The following HEATR1 variants were observed in gnomAD, a reference collection of about 807,000 sequenced individuals.
The protein encoded by HEATR1 is HEAT repeat containing 1, also known as HEAT repeat-containing protein 1.
Under a neutral mutation model 248.2 loss-of-function variants are expected in HEATR1, and 77 were observed. The ratio of observed to expected loss-of-function variants is 0.31; its 90% CI spans 0.26 to 0.37. The LOEUF is 0.37. Among genes scored for constraint, HEATR1 ranks in the 10% least tolerant of loss-of-function variants. The probability of loss-of-function intolerance (pLI) is 1.00; values close to 1 mark genes in which losing one functional copy is unlikely to be tolerated. For missense variants in HEATR1, 2,420 were observed against 2,504.9 expected, an observed-to-expected ratio of 0.97 and a Z score of 0.72; for synonymous variants, 897 against 923.1, an observed-to-expected ratio of 0.97 and a Z score of 0.51.
intron 17 of HEATR1, 83 bp from the exon 18 acceptor site, chr1:236,583,279 A>G (rs1663802308): frequency 1.6e-6 from 2 of 1,247,194 alleles, no homozygotes; most frequent in South Asian, 3.4e-5. Flanking sequence ...ATAATATGCA[A>G]AAGTTTTGTT....
Position 236,559,231 on chromosome 1 carries a change from A to C in HEATR1, c.4771-96T>G, listed in dbSNP as rs1572033460. The stretch of plus-strand genomic sequence containing the variant: ...AGACTGCTGTCCACTGCACACCTCC[A>C]GGCACCAGGCACTTCCACACACATT... On this transcript the variant is annotated intron_variant, in intron 34 of 44. Transcript: ENST00000366582. 1.3e-5 allele frequency: 11 copies of C among 841,710 alleles called. 1 individual carries two copies. In the Middle Eastern group the frequency reaches 1.9e-3, roughly 143 times the overall value. The allele number at this position is 841,710 out of a possible 1,614,324, so 52.1% of individuals were successfully genotyped here. A position where few individuals can be genotyped will look rare whatever the true frequency, so the allele number is the denominator to read the frequency against.
intron 3 of HEATR1, 31 bp downstream of exon 3, chr1:236,603,129 C>T: frequency 6.5e-7 from 1 of 1,527,944 alleles, no homozygotes; most frequent in South Asian, 1.1e-5. Flanking sequence ...AGTGATTAAC[C>T]CATAGTTATT....
chr1:236,559,861 C>T, intron 33 of HEATR1, 24 bp from the exon 34 acceptor site: 1 of 1,580,442 alleles, frequency 6.3e-7, no homozygotes, highest in South Asian at 1.1e-5. Flanking sequence ...GCTCGCTCAG[C>T]AAACGGCAGC....
intron 24 of HEATR1, among the ~76,000 whole-genome samples, chr1:236,573,535 TA>T (rs1314805222): frequency 3.4e-5 from 3 of 87,216 alleles, no homozygotes; most frequent in Admixed American, 1.2e-4. Flanking sequence ...ACCAAGGAAT[TA>T]TTTTTTTTTT....
chr1:236,587,801 C>A (rs1663934546), intron 13 of HEATR1, 147 bp downstream of exon 13: 1 of 529,390 alleles, frequency 1.9e-6, no homozygotes, highest in Non-Finnish European at 3.3e-6. Flanking sequence ...TTTCTCCTAA[C>A]CAGACTTAAG....
rs73114871 is a variant in HEATR1, at chr1:236,581,837, A to C, written c.2563-423T>G. ...TTCCTGAGTAACTTCACGTGTGCTAAATAACCTCTCTGAACACCAGTATTC... is the reference window on the plus strand; with the variant it reads ...TTCCTGAGTAACTTCACGTGTGCTACATAACCTCTCTGAACACCAGTATTC... On this transcript the variant is annotated intron_variant, in intron 19 of 44. Coordinates refer to ENST00000366582, the MANE Select transcript of HEATR1 (RefSeq NM_018072.6). Among the ~76,000 whole-genome samples the C allele has an allele frequency of 3.1e-3, 469 of 152,300 alleles. 3 individuals are homozygous for C. The highest frequency in any genetic ancestry group is 0.01 in the African/African-American group (427 of 41,564).
At chr1:236,589,313 C>G (rs1467493597) in intron 12 of HEATR1, among the ~76,000 whole-genome samples, 1 of 152,114 alleles carries the variant, frequency 6.6e-6, no homozygotes, top group Non-Finnish European at 1.5e-5. Context: ...CAAAATAAAC[C>G]TATTGGCAGT....
chr1:236,551,108 A>C, intron 44 of HEATR1, 118 bp from the exon 45 acceptor site: 1 of 790,886 alleles, frequency 1.3e-6, no homozygotes, highest in South Asian at 1.9e-5. Flanking sequence ...CAAAAGAGTG[A>C]AATGAAGCAC....
At position 236,569,008 on chromosome 1, in the gene HEATR1, G is replaced by A. The variant is rs542766245; in HGVS notation, c.4065C>T (p.Pro1355=). Reference sequence around the variant, plus strand: ...AAAGAGACCTTACCTGAATAAGTGCGGGAATAACCATTTTCACTGTCTTGT... The same window carrying A: ...AAAGAGACCTTACCTGAATAAGTGCAGGAATAACCATTTTCACTGTCTTGT... ...VINKTVKMVI[P]ALIQSDSGDS... Residue 1355 remains proline (P), a synonymous_variant, in exon 29 of 45, where the codon CCC becomes CCT. Coordinates refer to ENST00000366582, the MANE Select transcript of HEATR1 (RefSeq NM_018072.6). 109 of 1,599,360 alleles carry A rather than the reference G, an allele frequency of 6.8e-5. 1 individual carries two copies. In the Admixed American group the frequency reaches 1.2e-3, roughly 17 times the overall value.
intron 20 of HEATR1, among the ~76,000 whole-genome samples, chr1:236,579,579 C>T (rs1663654354): frequency 6.6e-6 from 1 of 152,056 alleles, no homozygotes; most frequent in African/African-American, 2.4e-5. Flanking sequence ...TAAATTTTTC[C>T]ATTTATTAAT....
chr1:236,573,019 G>T (rs1225109853), intron 24 of HEATR1, among the ~76,000 whole-genome samples, 191 bp from the exon 25 acceptor site: 3 of 152,130 alleles, frequency 2.0e-5, no homozygotes, highest in Non-Finnish European at 4.4e-5. Flanking sequence ...AGAATGAGAA[G>T]AAAGCAAAGT....
chr1:236,587,720 T>C (rs1472965485), intron 13 of HEATR1, among the ~76,000 whole-genome samples: 1 of 152,126 alleles, frequency 6.6e-6, no homozygotes, highest in African/African-American at 2.4e-5. Flanking sequence ...ATATAAAAAT[T>C]CACAAAACAT....
Position 236,592,060 on chromosome 1 carries a change from G to T in HEATR1, c.1355C>A (p.Ala452Glu). ...VVLEEHLKEIADLKKQELFHQ... is the reference protein window; with the variant it reads ...VVLEEHLKEIEDLKKQELFHQ... ...GAAAAGCTCTTGTTTTTTCAGATCTGCAATTTCCTTTAAGTGTTCCTCTAA... is the reference window on the plus strand; with the variant it reads ...GAAAAGCTCTTGTTTTTTCAGATCTTCAATTTCCTTTAAGTGTTCCTCTAA... The change falls in exon 11 of 45, where the codon GCA (alanine) becomes GAA (glutamate). Residue 452 changes from alanine (A) to glutamate (E), a missense_variant. Coordinates refer to ENST00000366582, the MANE Select transcript of HEATR1 (RefSeq NM_018072.6). 6.2e-7 allele frequency: 1 copy of T among 1,608,390 alleles called. No homozygotes were observed. The highest frequency in any genetic ancestry group is 1.3e-5 in the African/African-American group (1 of 74,966).
rs1158652841 is a variant in HEATR1 at position 236,576,780 on chromosome 1, C to T, written c.2925G>A (p.Gln975=). 2 of 1,607,042 alleles carry T rather than the reference C, an allele frequency of 1.2e-6. No homozygotes were observed. Among genetic ancestry groups the T allele is most frequent in the Non-Finnish European group, 1.7e-6 (2 of 1,177,066 alleles). The change falls in exon 21 of 45, where the codon CAG becomes CAA. Residue 975 remains glutamine (Q), a splice_region_variant and synonymous_variant. Transcript: ENST00000366582. ...CAATCTTCTTTGCTAACGAGCTTAC[C>T]TGAATAACATAGGCAGCATCTGAAG... ...EITSDAAYVI[Q]DLATLFEELQ...
intron 26 of HEATR1, 57 bp from the exon 27 acceptor site, chr1:236,571,743 T>C: frequency 7.9e-7 from 1 of 1,259,466 alleles, no homozygotes; most frequent in Middle Eastern, 1.9e-4. Context: ...CAATTCATTG[T>C]TACATTAATG....
At chr1:236,558,113 C>A in intron 36 of HEATR1, 124 bp downstream of exon 36, 1 of 1,105,678 alleles carries the variant, frequency 9.0e-7, no homozygotes, top group Non-Finnish European at 1.3e-6. Flanking sequence ...AAGATCAATT[C>A]TTTAACAAAT....
intron 30 of HEATR1, 21 bp downstream of exon 30, chr1:236,566,625 C>T: frequency 6.4e-7 from 1 of 1,551,430 alleles, no homozygotes; most frequent in Non-Finnish European, 8.9e-7. Context: ...TTTTCCTTAT[C>T]TTCCCACCCT....
intron 28 of HEATR1, among the ~76,000 whole-genome samples, chr1:236,570,675 G>GA (rs1356734084): frequency 1.3e-5 from 2 of 151,546 alleles, no homozygotes; most frequent in Non-Finnish European, 3.0e-5. Context: ...AATAAAAACA[G>GA]AAAAAATATT....
rs1663452741 is a variant in HEATR1, at chr1:236,572,413, T to G, written c.3705A>C (p.Ser1235=). Residue 1235 remains serine (S), a splice_region_variant and synonymous_variant, in exon 26 of 45, where the codon TCA becomes TCC. Transcript: ENST00000366582. ...AGATCAAAGCCAAGTGTCATTACCT[T>G]GATAGCAAGTTAAAAAGAGTTGGCA... The part of the protein sequence containing the change: ...ILVPTLFNLL[S]RCLEPLPQEQ... The G allele has an allele frequency of 6.2e-7, 1 of 1,614,026 alleles. No individual in the cohort carries two copies.
Sources: allele counts gnomAD v4.1 joint callset (sites outside exome capture counted in the v4.1 genomes callset), GRCh38; gene constraint gnomAD v4.1.1; transcripts MANE v1.5; gene names NCBI Gene and HGNC (gene_info 2026-07-23, HGNC 2026-07-21).